The following RB1CC1 variants were observed in gnomAD, a reference collection of about 807,000 sequenced individuals.
The protein encoded by RB1CC1 is RB1-inducible coiled-coil protein 1.
Under a neutral mutation model 177.5 loss-of-function variants are expected in RB1CC1, and 46 were observed. The observed-to-expected ratio is 0.26, with a 90% confidence interval of 0.20 to 0.33. The LOEUF is 0.33. Ranked by LOEUF, RB1CC1 falls within the 10% of genes least tolerant of loss-of-function variation. The pLI is 1.00. For missense variants in RB1CC1, 1,703 were observed against 1,816.3 expected, an observed-to-expected ratio of 0.94 and a Z score of 1.13; for synonymous variants, 666 against 613.6, an observed-to-expected ratio of 1.09 and a Z score of -1.26.
rs1183407164 is a variant in RB1CC1, at chr8:52,698,670, G to GTTTTTTTT, written c.-166-11711_-166-11704dup. Reference sequence around the variant, plus strand: ...ACAAAAACTGTATATGTAATGGTTGGTTTTTTTTTTTTTTTTTTTTTTTTT... The same window carrying GTTTTTTTT: ...ACAAAAACTGTATATGTAATGGTTGGTTTTTTTTTTTTTTTTTTTTTTTTTTTTTTTTT... On this transcript the variant is annotated intron_variant, in intron 1 of 23. Coordinates refer to ENST00000025008, the MANE Select transcript of RB1CC1 (RefSeq NM_014781.5). Among the ~76,000 whole-genome samples the GTTTTTTTT allele has an allele frequency of 2.2e-4, 17 of 77,464 alleles. 1 individual carries two copies. Among genetic ancestry groups the GTTTTTTTT allele is most frequent in the Non-Finnish European group, 2.4e-4 (10 of 41,430 alleles). The allele number at this position is 77,464 out of a possible 152,430, so 50.8% of individuals were successfully genotyped here.
chr8:52,708,940 C>T (rs1028050862), intron 1 of RB1CC1, among the ~76,000 whole-genome samples: 1 of 152,024 alleles, frequency 6.6e-6, no homozygotes, highest in Non-Finnish European at 1.5e-5. Flanking sequence ...AGCTTTTAGT[C>T]CACTTTATAT....
rs202174427 is a variant in RB1CC1, at chr8:52,656,806, G to C, written c.3023C>G (p.Thr1008Arg). ...RHIQEFEKVM[T>R]DHRVSLEELK... ...TTCCTCCAAAGAAACTCTGTGGTCT[G>C]TCATAACCTTCTCAAACTCTTGTAT... Residue 1008 changes from threonine (T) to arginine (R), a missense_variant, in exon 15 of 24, where the codon ACA (threonine) becomes AGA (arginine). Coordinates refer to ENST00000025008, the MANE Select transcript of RB1CC1 (RefSeq NM_014781.5). 1.3e-4 allele frequency: 210 copies of C among 1,613,810 alleles called. No individual in the cohort carries two copies. The highest frequency in any genetic ancestry group is 1.6e-4 in the Non-Finnish European group (192 of 1,179,962).
chr8:52,688,505 T>C (rs1854496424), intron 1 of RB1CC1, among the ~76,000 whole-genome samples: 1 of 152,170 alleles, frequency 6.6e-6, no homozygotes, highest in Non-Finnish European at 1.5e-5. Context: ...TCCGCCCTAG[T>C]AAATCTGTGG....
chr8:52,666,251 C>T (rs984434627), intron 8 of RB1CC1, among the ~76,000 whole-genome samples: 4 of 151,844 alleles, frequency 2.6e-5, no homozygotes, highest in Admixed American at 2.0e-4. Flanking sequence ...TACGGCTGGG[C>T]GCCGTGGCTC....
intron 1 of RB1CC1, among the ~76,000 whole-genome samples, chr8:52,690,175 G>T (rs543745615): frequency 2.6e-5 from 4 of 152,330 alleles, no homozygotes; most frequent in African/African-American, 9.6e-5. Flanking sequence ...TTTGCTGAAT[G>T]AATGAGTGAA....
At position 52,694,715 on chromosome 8, in the gene RB1CC1, A is replaced by G. The variant is rs57848271; in HGVS notation, c.-166-7748T>C. ...GGTAAGCAGCACTTCCATCATATGG[A>G]AGTGACAGCAACAATACAAAGAAGT... is the stretch of plus-strand genomic sequence containing the variant. On this transcript the variant is annotated intron_variant, in intron 1 of 23. Transcript: ENST00000025008. 9.1e-3 allele frequency among the ~76,000 whole-genome samples: 1,391 copies of G among 152,274 alleles called. 22 individuals are homozygous for G. Among genetic ancestry groups the G allele is most frequent in the African/African-American group, 0.031 (1,291 of 41,546 alleles).
chr8:52,706,779 C>T (rs1486332795), intron 1 of RB1CC1, among the ~76,000 whole-genome samples: 2 of 151,400 alleles, frequency 1.3e-5, no homozygotes, highest in South Asian at 4.2e-4. Flanking sequence ...TCTCCTCAGC[C>T]TCCAGAGTAG....
chr8:52,678,479 T>C (rs1240999935), intron 5 of RB1CC1, among the ~76,000 whole-genome samples: 2 of 152,092 alleles, frequency 1.3e-5, no homozygotes, highest in Non-Finnish European at 1.5e-5. Context: ...TAAGGTCAGT[T>C]AGAAATGTGA....
intron 16 of RB1CC1, 163 bp from the exon 17 acceptor site, chr8:52,642,975 C>T: frequency 1.3e-6 from 1 of 780,816 alleles, no homozygotes; most frequent in African/African-American, 1.8e-5. Flanking sequence ...CATACTGTGG[C>T]AAAGGTTCTA....
At chr8:52,652,696 C>G (rs553651041) in intron 15 of RB1CC1, among the ~76,000 whole-genome samples, 8 of 152,130 alleles carry the variant, frequency 5.3e-5, no homozygotes, top group Non-Finnish European at 1.2e-4. Context: ...CGCATGCACA[C>G]AGATTATATG....
chr8:52,687,288 A>G (rs1854356237), intron 1 of RB1CC1, among the ~76,000 whole-genome samples: 1 of 152,146 alleles, frequency 6.6e-6, no homozygotes, highest in African/African-American at 2.4e-5. Context: ...ACTTGCAATT[A>G]TATGATCTTG....
At chr8:52,689,020 G>A (rs2150624052) in intron 1 of RB1CC1, among the ~76,000 whole-genome samples, 1 of 152,262 alleles carries the variant, frequency 6.6e-6, no homozygotes, top group South Asian at 2.1e-4. Context: ...TACCTTTGTA[G>A]TAGAGCTCAC....
chr8:52,705,181 A>C (rs1856441694), intron 1 of RB1CC1, among the ~76,000 whole-genome samples: 1 of 152,224 alleles, frequency 6.6e-6, no homozygotes, highest in Non-Finnish European at 1.5e-5. Flanking sequence ...ATCATGATGC[A>C]TTAATAAACA....
chr8:52,707,146 C>T (rs1026552582), intron 1 of RB1CC1, among the ~76,000 whole-genome samples: 1 of 152,288 alleles, frequency 6.6e-6, no homozygotes, highest in Admixed American at 6.5e-5. Context: ...CAGGATCTAA[C>T]GAATAATCTA....
chr8:52,678,581 G>A (rs1344847928), intron 5 of RB1CC1, among the ~76,000 whole-genome samples: 1 of 152,338 alleles, frequency 6.6e-6, no homozygotes, highest in South Asian at 2.1e-4. Flanking sequence ...TTAAGATGGA[G>A]TGGGGGATGC....
At chr8:52,667,360 A>G (rs2150526451) in intron 8 of RB1CC1, among the ~76,000 whole-genome samples, 1 of 152,216 alleles carries the variant, frequency 6.6e-6, no homozygotes, top group East Asian at 1.9e-4. Flanking sequence ...ACACAATTAG[A>G]GGAAAAATAT....
At chr8:52,651,063 G>C (rs975534461) in intron 15 of RB1CC1, among the ~76,000 whole-genome samples, 4 of 152,198 alleles carry the variant, frequency 2.6e-5, no homozygotes, top group African/African-American at 9.6e-5. Context: ...AGCAATTACA[G>C]AATCTTTAAT....
chr8:52,635,628 C>T (rs939870653), intron 19 of RB1CC1, among the ~76,000 whole-genome samples: 2 of 151,862 alleles, frequency 1.3e-5, no homozygotes, highest in Non-Finnish European at 2.9e-5. Flanking sequence ...TTTGTTTTTG[C>T]CAATTTCTAA....
chr8:52,639,319 T>C (rs139563995), intron 18 of RB1CC1, among the ~76,000 whole-genome samples: 113 of 152,268 alleles, frequency 7.4e-4, no homozygotes, highest in African/African-American at 2.6e-3. Flanking sequence ...GGATCTTTTA[T>C]ACATATTAAA....
Sources: gnomAD v4.1 joint callset for allele counts (sites outside exome capture counted in the v4.1 genomes callset) on GRCh38, gnomAD v4.1.1 for gene constraint, MANE v1.5 for transcripts, NCBI Gene and HGNC (gene_info 2026-07-23, HGNC 2026-07-21) for gene names.